Variants in NBAS observed in about 807,000 individuals in gnomAD.
NBAS encodes the protein NBAS subunit of NRZ tethering complex, also known as NAG/BC035112 fusion.
In NBAS, 219 loss-of-function variants were observed where a neutral mutation model predicts 302.5. The observed-to-expected ratio is 0.72, with a 90% confidence interval of 0.65 to 0.81. The LOEUF is 0.81. Ranked by LOEUF, NBAS falls within the 30% of genes least tolerant of loss-of-function variation. The pLI is 0.00. For synonymous variants in NBAS, 1,118 were observed against 1,021.6 expected (o/e 1.09, Z -1.80); for missense variants, 2,932 against 2,841.6 (o/e 1.03, Z -0.72).
chr2:15,415,848 C>G lies in NBAS; in HGVS notation c.2764-129G>C, dbSNP rs538944580. On this transcript the variant is annotated intron_variant, in intron 24 of 51. Coordinates refer to ENST00000281513, the MANE Select transcript of NBAS (RefSeq NM_015909.4). The stretch of plus-strand genomic sequence containing the variant: ...TGTTAAACAGTGCAAACCCAACACT[C>G]TAAAACACACAGTCCAGTTCACCAC... 3.0e-5 allele frequency: 28 copies of G among 934,280 alleles called. No individual in the cohort carries two copies. In the African/African-American group the frequency reaches 4.3e-4, roughly 14 times the overall value. The allele number at this position is 934,280 out of a possible 1,614,324, so 57.9% of individuals were successfully genotyped here.
At chr2:14,931,097 A>T in the NBAS span, among the ~76,000 whole-genome samples, 1 of 152,204 alleles carries the variant, frequency 6.6e-6, no homozygotes, top group Non-Finnish European at 1.5e-5. Flanking sequence ...TGAACACCTA[A>T]CAAGAATGTT....
intron 6 of NBAS, among the ~76,000 whole-genome samples, chr2:15,548,163 AT>A (rs1022203188): frequency 7.9e-5 from 12 of 152,234 alleles, no homozygotes; most frequent in African/African-American, 2.4e-4. Flanking sequence ...TCATTCATCC[AT>A]AAAAATCATT....
chr2:15,432,624 G>A (rs1034752292), intron 21 of NBAS, among the ~76,000 whole-genome samples: 3 of 152,080 alleles, frequency 2.0e-5, no homozygotes, highest in Non-Finnish European at 2.9e-5. Flanking sequence ...TGTATTACTC[G>A]TAATTGCCAC....
chr2:15,338,602 T>C (rs918128629), intron 35 of NBAS, among the ~76,000 whole-genome samples: 25 of 151,932 alleles, frequency 1.6e-4, no homozygotes, highest in Non-Finnish European at 2.9e-5. Context: ...ACATGTCTCA[T>C]GGAAGCTGAG....
chr2:15,384,825 C>T (rs556564723), intron 28 of NBAS, among the ~76,000 whole-genome samples: 1 of 152,224 alleles, frequency 6.6e-6, no homozygotes, highest in South Asian at 2.1e-4. Context: ...ACCAACTAGA[C>T]GATGTTTCTT....
At chr2:15,235,182 A>T (rs1667539207) in intron 45 of NBAS, among the ~76,000 whole-genome samples, 1 of 152,230 alleles carries the variant, frequency 6.6e-6, no homozygotes, top group South Asian at 2.1e-4. Context: ...AATCCCAGGT[A>T]TTATACATAT....
At chr2:15,021,785 A>G in the NBAS span, among the ~76,000 whole-genome samples, 3 of 152,222 alleles carry the variant, frequency 2.0e-5, no homozygotes, top group Non-Finnish European at 4.4e-5. Flanking sequence ...CCCAAGAACC[A>G]TAGGCTTGTC....
the NBAS span, among the ~76,000 whole-genome samples, chr2:15,077,803 C>T: frequency 6.6e-6 from 1 of 151,964 alleles, no homozygotes. Context: ...CCTGCCTCAG[C>T]CTCCTGAGTA....
At chr2:14,782,891 G>C in the NBAS span, among the ~76,000 whole-genome samples, 9 of 152,146 alleles carry the variant, frequency 5.9e-5, no homozygotes, top group Admixed American at 5.9e-4. Flanking sequence ...TCACTTACAA[G>C]TGGGAGCTAA....
intron 48 of NBAS, among the ~76,000 whole-genome samples, chr2:15,204,743 G>A (rs561031579): frequency 3.3e-5 from 5 of 152,316 alleles, no homozygotes; most frequent in South Asian, 2.1e-4. Context: ...ATCATTCTGA[G>A]CAAACTATCG....
the NBAS span, among the ~76,000 whole-genome samples, chr2:15,120,813 G>A: frequency 2.6e-5 from 4 of 152,206 alleles, no homozygotes; most frequent in Admixed American, 6.5e-5. Context: ...CAGACCAACT[G>A]CTTCCTTTCT....
chr2:15,114,052 T>C, the NBAS span, among the ~76,000 whole-genome samples: 1 of 152,088 alleles, frequency 6.6e-6, no homozygotes, highest in African/African-American at 2.4e-5. Context: ...TAGATCCAAA[T>C]ATTAAATTAC....
At chr2:15,475,901 C>A (rs1680172526) in intron 13 of NBAS, 21 bp from the exon 14 acceptor site, 5 of 1,576,550 alleles carry the variant, frequency 3.2e-6, no homozygotes, top group Middle Eastern at 1.7e-4. Context: ...AAAAACAAAT[C>A]AATACAAATG....
intron 51 of NBAS, among the ~76,000 whole-genome samples, chr2:15,176,583 A>C (rs1255874171): frequency 2.0e-5 from 3 of 152,254 alleles, no homozygotes; most frequent in Non-Finnish European, 4.4e-5. Flanking sequence ...AGTATCCCTT[A>C]TCCAAAAAGC....
the NBAS span, among the ~76,000 whole-genome samples, chr2:14,784,030 G>A: frequency 1.3e-3 from 180 of 142,178 alleles, no homozygotes; most frequent in South Asian, 4.0e-3. Context: ...GTGTGAGATG[G>A]TATCTCATTG....
At chr2:14,818,628 G>A in the NBAS span, among the ~76,000 whole-genome samples, 1 of 152,176 alleles carries the variant, frequency 6.6e-6, no homozygotes, top group African/African-American at 2.4e-5. Flanking sequence ...AGTAAATGGT[G>A]TTTAATCATT....
At chr2:15,448,500 C>T (rs543176369) in intron 21 of NBAS, among the ~76,000 whole-genome samples, 219 of 152,272 alleles carry the variant, frequency 1.4e-3, no homozygotes, top group African/African-American at 5.0e-3. Context: ...TCACACAAGA[C>T]GTACGTCCCT....
At position 15,353,573 on chromosome 2, in the gene NBAS, T is replaced by C. The variant is rs762437492; in HGVS notation, c.4069A>G (p.Ser1357Gly). ...PSSIELLLAA[S>G]SSLQTEILYQ... ...CTTACTTCTGTCTGCAGAGAGCTGC[T>C]AGCTGCCAAAAGAAGTTCAATGCTG... Residue 1357 changes from serine (S) to glycine (G), a missense_variant, in exon 34 of 52, where the codon AGC (serine) becomes GGC (glycine). Physicochemically the swap from Ser to Gly is moderately conservative, Grantham distance 56 (BLOSUM62 0). Coordinates refer to ENST00000281513, the MANE Select transcript of NBAS (RefSeq NM_015909.4). 1 of 1,614,064 alleles carries C rather than the reference T, an allele frequency of 6.2e-7. No individual in the cohort carries two copies. Among genetic ancestry groups the C allele is most frequent in the Non-Finnish European group, 8.5e-7 (1 of 1,179,956 alleles).
intron 35 of NBAS, among the ~76,000 whole-genome samples, chr2:15,340,902 G>A (rs753410342): frequency 6.6e-6 from 1 of 152,118 alleles, no homozygotes; most frequent in Non-Finnish European, 1.5e-5. Context: ...GGTGGTGACC[G>A]AGGCACAAGC....
Sources: allele counts gnomAD v4.1 joint callset (sites outside exome capture counted in the v4.1 genomes callset), GRCh38; gene constraint gnomAD v4.1.1; transcripts MANE v1.5; gene names NCBI Gene and HGNC (gene_info 2026-07-23, HGNC 2026-07-21).